LOC400499: variants seen among roughly 807,000 people sequenced by gnomAD.
the LOC400499 span, among the ~76,000 whole-genome samples, chr16:11,513,145 T>C: frequency 6.6e-6 from 1 of 152,180 alleles, no homozygotes; most frequent in African/African-American, 2.4e-5. Context: ...CCTGTAATCC[T>C]GTAATCCCAG....
chr16:11,379,018 C>G, the LOC400499 span, among the ~76,000 whole-genome samples: 1 of 152,198 alleles, frequency 6.6e-6, no homozygotes, highest in African/African-American at 2.4e-5. Context: ...AACCCCAGCA[C>G]TTTAGGAGGC....
chr16:11,496,515 G>T, the LOC400499 span, among the ~76,000 whole-genome samples: 1 of 152,222 alleles, frequency 6.6e-6, no homozygotes, highest in Admixed American at 6.5e-5. Context: ...GTGCTTGTGG[G>T]TGTGTACGTT....
At chr16:11,403,325 T>TTCC in the LOC400499 span, among the ~76,000 whole-genome samples, 5 of 152,152 alleles carry the variant, frequency 3.3e-5, no homozygotes, top group South Asian at 1.0e-3. Context: ...GAACCCTTTG[T>TTCC]TCCTGCCACC....
the LOC400499 span, among the ~76,000 whole-genome samples, chr16:11,449,797 G>A: frequency 6.6e-6 from 1 of 152,200 alleles, no homozygotes; most frequent in Admixed American, 6.5e-5. Flanking sequence ...CAAGACCTCA[G>A]AGCCATTTAT....
At chr16:11,436,366 G>A in the LOC400499 span, among the ~76,000 whole-genome samples, 1 of 152,122 alleles carries the variant, frequency 6.6e-6, no homozygotes, top group Non-Finnish European at 1.5e-5. Flanking sequence ...TGGTCAGGCT[G>A]GGGTGAACAT....
At chr16:11,435,589 C>A in the LOC400499 span, 1 of 398,846 alleles carries the variant, frequency 2.5e-6, no homozygotes, top group South Asian at 1.3e-4. Context: ...GAGGATCTCC[C>A]ATATCCCAGG....
At chr16:11,419,332 A>G in the LOC400499 span, among the ~76,000 whole-genome samples, 3 of 151,982 alleles carry the variant, frequency 2.0e-5, no homozygotes, top group African/African-American at 7.3e-5. Flanking sequence ...CAAACCTGAG[A>G]AAAACAAGCA....
the LOC400499 span, among the ~76,000 whole-genome samples, chr16:11,456,690 A>G: frequency 7.9e-5 from 12 of 152,274 alleles, no homozygotes; most frequent in African/African-American, 2.4e-4. Flanking sequence ...GGCCTCCCAC[A>G]GTGCTGGGAT....
chr16:11,479,878 T>C, the LOC400499 span, among the ~76,000 whole-genome samples: 3 of 152,226 alleles, frequency 2.0e-5, no homozygotes, highest in African/African-American at 4.8e-5. Flanking sequence ...CTCGTTGCTG[T>C]ATCCCCCTGG....
At chr16:11,394,845 G>A in the LOC400499 span, among the ~76,000 whole-genome samples, 1 of 152,226 alleles carries the variant, frequency 6.6e-6, no homozygotes, top group Non-Finnish European at 1.5e-5. Context: ...GAGAGGGAGT[G>A]TGGCCCTGCT....
the LOC400499 span, among the ~76,000 whole-genome samples, chr16:11,432,541 G>C: frequency 0.19 from 29,563 of 152,126 alleles, 5,784 homozygotes; most frequent in African/African-American, 0.49. Flanking sequence ...AGAATTAAAC[G>C]AACTTTGGAA....
At chr16:11,488,755 T>C in the LOC400499 span, 1 of 398,856 alleles carries the variant, frequency 2.5e-6, no homozygotes, top group Admixed American at 4.4e-5. Flanking sequence ...TCCACATTTC[T>C]GGGTGGAACT....
the LOC400499 span, among the ~76,000 whole-genome samples, chr16:11,389,070 A>G: frequency 3.2e-4 from 49 of 152,166 alleles, no homozygotes; most frequent in African/African-American, 1.1e-3. Flanking sequence ...CTGGGCAACA[A>G]AGAACAAGAC....
At chr16:11,484,916 C>G in the LOC400499 span, 47 of 399,504 alleles carry the variant, frequency 1.2e-4, no homozygotes, top group Admixed American at 1.8e-4. Context: ...GTCTCTGTCT[C>G]CTGGACACTC....
At chr16:11,391,230 C>T in the LOC400499 span, among the ~76,000 whole-genome samples, 13,679 of 152,256 alleles carry the variant, frequency 0.09, 676 homozygotes, top group Non-Finnish European at 0.11. Flanking sequence ...CCCTGGATGG[C>T]GGAGAGGCCA....
the LOC400499 span, among the ~76,000 whole-genome samples, chr16:11,407,608 C>T: frequency 6.6e-6 from 1 of 152,206 alleles, no homozygotes; most frequent in Admixed American, 6.5e-5. Flanking sequence ...ACCAGCCTGG[C>T]ACCAGCAGCC....
At chr16:11,394,004 G>A in the LOC400499 span, among the ~76,000 whole-genome samples, 4 of 152,116 alleles carry the variant, frequency 2.6e-5, no homozygotes, top group East Asian at 1.9e-4. Flanking sequence ...AGCAGCAGCC[G>A]CCCACAGGGT....
At chr16:11,419,264 G>A in the LOC400499 span, among the ~76,000 whole-genome samples, 4 of 151,796 alleles carry the variant, frequency 2.6e-5, no homozygotes, top group East Asian at 5.8e-4. Context: ...ATAGATCAAT[G>A]GAACAGAACA....
chr16:11,464,124 G>A, the LOC400499 span, among the ~76,000 whole-genome samples: 1 of 151,484 alleles, frequency 6.6e-6, no homozygotes, highest in East Asian at 1.9e-4. Flanking sequence ...GGATGTTCGT[G>A]TATGTAAATA....
Sources: gnomAD v4.1 joint callset for allele counts (sites outside exome capture counted in the v4.1 genomes callset) on GRCh38, gnomAD v4.1.1 for gene constraint, MANE v1.5 for transcripts.